Variants in RIC8B observed in about 807,000 individuals in gnomAD.
RIC8B encodes the protein chaperone Ric-8B.
In RIC8B, 16 loss-of-function variants were observed where a neutral mutation model predicts 57.5. The ratio of observed to expected loss-of-function variants is 0.28; its 90% CI spans 0.19 to 0.42. The LOEUF is 0.42. Among genes scored for constraint, RIC8B ranks in the 10% least tolerant of loss-of-function variants. The pLI, the probability that RIC8B is intolerant of heterozygous loss-of-function variation, is 1.00. For synonymous variants in RIC8B, 216 were observed against 250.8 expected (o/e 0.86, Z 1.31); for missense variants, 481 against 677.0 (o/e 0.71, Z 3.21).
chr12:106,863,831 A>T (rs1268344855), intron 8 of RIC8B, among the ~76,000 whole-genome samples: 1 of 152,108 alleles, frequency 6.6e-6, no homozygotes, highest in Non-Finnish European at 1.5e-5. Context: ...TATATCCTTT[A>T]TGTCAAGGTT....
At chr12:106,838,313 C>T (rs2046710673) in intron 4 of RIC8B, among the ~76,000 whole-genome samples, 1 of 152,084 alleles carries the variant, frequency 6.6e-6, no homozygotes, top group Non-Finnish European at 1.5e-5. Context: ...TCACATCATA[C>T]ACAAAAATCA....
chr12:106,871,305 G>A (rs536336327), intron 9 of RIC8B: 1 of 158,190 alleles, frequency 6.3e-6, no homozygotes, highest in South Asian at 2.1e-4. Flanking sequence ...AAATCATGAT[G>A]CTTTTATTTT....
At chr12:106,808,836 CTT>C (rs1364344115) in intron 2 of RIC8B, among the ~76,000 whole-genome samples, 2 of 152,056 alleles carry the variant, frequency 1.3e-5, no homozygotes, top group Admixed American at 1.3e-4. Flanking sequence ...AAATATAAAA[CTT>C]TTAATTTTTT....
intron 3 of RIC8B, among the ~76,000 whole-genome samples, chr12:106,820,149 T>G (rs1295076831): frequency 6.6e-6 from 1 of 152,230 alleles, no homozygotes; most frequent in Non-Finnish European, 1.5e-5. Flanking sequence ...TTAAACTGTT[T>G]TAGTTATTTT....
At chr12:106,866,442 A>G (rs1196456316) in intron 8 of RIC8B, among the ~76,000 whole-genome samples, 1 of 151,538 alleles carries the variant, frequency 6.6e-6, no homozygotes, top group Non-Finnish European at 1.5e-5. Flanking sequence ...TTTTTGGGGG[A>G]GCAGTGTATT....
At chr12:106,817,655 TAA>T (rs1179219365) in intron 3 of RIC8B, among the ~76,000 whole-genome samples, 1 of 144,654 alleles carries the variant, frequency 6.9e-6, no homozygotes, top group Admixed American at 6.9e-5. Context: ...CCGTCTCTAC[TAA>T]AAAAAAAAAT....
chr12:106,859,124 T>A (rs1301331744), intron 7 of RIC8B, among the ~76,000 whole-genome samples: 2 of 152,168 alleles, frequency 1.3e-5, no homozygotes, highest in Non-Finnish European at 2.9e-5. Flanking sequence ...ATGTTGTGTT[T>A]CCTACAGTTG....
chr12:106,864,150 T>G (rs1365587315), intron 8 of RIC8B, among the ~76,000 whole-genome samples: 4 of 152,150 alleles, frequency 2.6e-5, no homozygotes, highest in African/African-American at 9.7e-5. Flanking sequence ...AGTGTATCAT[T>G]TATATGGTAA....
At chr12:106,831,420 C>T (rs1246239203) in intron 4 of RIC8B, among the ~76,000 whole-genome samples, 4 of 152,120 alleles carry the variant, frequency 2.6e-5, no homozygotes, top group African/African-American at 9.7e-5. Context: ...TGGTCAGTTC[C>T]CACTTTCATC....
intron 7 of RIC8B, among the ~76,000 whole-genome samples, chr12:106,853,794 A>G (rs952411596): frequency 2.0e-5 from 3 of 151,866 alleles, no homozygotes; most frequent in Non-Finnish European, 2.9e-5. Context: ...TTCCAATTTG[A>G]TTATAAGTTT....
chr12:106,879,100 C>T lies in RIC8B; in HGVS notation c.1572-6804C>T, dbSNP rs796088807. 2 of 985,766 alleles carry T rather than the reference C, an allele frequency of 2.0e-6. No homozygotes were observed. The highest frequency in any genetic ancestry group is 3.5e-5 in the African/African-American group (2 of 57,328). The allele number at this position is 985,766 out of a possible 1,614,324, so 61.1% of individuals were successfully genotyped here. ...TTTGAGTCGTTATCAAGCTAAGTGG[C>T]AAGCGGGAAGCTGAAACTCGTATAG... is the stretch of plus-strand genomic sequence containing the variant. On this transcript the variant is annotated intron_variant, in intron 9 of 9. Coordinates refer to ENST00000392837, the MANE Select transcript of RIC8B (RefSeq NM_001330145.2). The surrounding 1 kb of genome is among the most constrained non-coding windows in gnomAD (Gnocchi z 4.9).
At chr12:106,875,213 T>TTA (rs1950606781) in intron 9 of RIC8B, among the ~76,000 whole-genome samples, 1 of 152,162 alleles carries the variant, frequency 6.6e-6, no homozygotes, top group Non-Finnish European at 1.5e-5. Flanking sequence ...ATAACTGTAA[T>TTA]ATTTATCAAA....
intron 6 of RIC8B, 103 bp downstream of exon 6, chr12:106,844,050 CAGAAACTCAGTCTTA>C: frequency 1.2e-6 from 1 of 824,148 alleles, no homozygotes; most frequent in Non-Finnish European, 2.0e-6. Flanking sequence ...TTCAGATAAT[CAGAAACTCAGTCTTA>C]ATCTTTGAAA....
intron 1 of RIC8B, chr12:106,775,047 C>G: frequency 1.8e-6 from 1 of 556,246 alleles, no homozygotes; most frequent in Non-Finnish European, 3.3e-6. Context: ...CCTCTGATTC[C>G]TGGCCCAGCA....
intron 5 of RIC8B, among the ~76,000 whole-genome samples, 173 bp from the exon 6 acceptor site, chr12:106,843,679 G>A (rs1456796476): frequency 3.6e-4 from 48 of 132,798 alleles, no homozygotes; most frequent in African/African-American, 1.3e-3. Context: ...CCGAGATTGC[G>A]CCGCTGCACT....
At chr12:106,836,428 G>A (rs900428549) in intron 4 of RIC8B, among the ~76,000 whole-genome samples, 4 of 152,086 alleles carry the variant, frequency 2.6e-5, no homozygotes, top group African/African-American at 7.2e-5. Context: ...ATGTCAACTA[G>A]ACACCCCAAA....
At chr12:106,850,816 A>C (rs1420773087) in intron 6 of RIC8B, among the ~76,000 whole-genome samples, 1 of 152,180 alleles carries the variant, frequency 6.6e-6, no homozygotes, top group Non-Finnish European at 1.5e-5. Flanking sequence ...CCCTATGTAG[A>C]AGTCCAGAAT....
At chr12:106,832,806 GTACC>G (rs2046413035) in intron 4 of RIC8B, among the ~76,000 whole-genome samples, 1 of 152,106 alleles carries the variant, frequency 6.6e-6, no homozygotes, top group Admixed American at 6.6e-5. Flanking sequence ...ACTGTAAAAT[GTACC>G]TATTCTTTCC....
At chr12:106,808,638 C>T (rs2045177778) in intron 2 of RIC8B, among the ~76,000 whole-genome samples, 2 of 152,242 alleles carry the variant, frequency 1.3e-5, no homozygotes, top group East Asian at 1.9e-4. Flanking sequence ...ATGCCTGTCT[C>T]ACCTTATGTA....
Sources: allele counts gnomAD v4.1 joint callset (sites outside exome capture counted in the v4.1 genomes callset), GRCh38; gene constraint gnomAD v4.1.1; non-coding constraint Gnocchi (gnomAD v3.1); transcripts MANE v1.5; gene names NCBI Gene and HGNC (gene_info 2026-07-23, HGNC 2026-07-21).